The following UBXN6 variants were observed in gnomAD, a reference collection of about 807,000 sequenced individuals.
UBXN6 encodes the protein UBX domain-containing protein 6.
A neutral mutation model predicts 51.4 loss-of-function variants in UBXN6; 44 were observed. The observed-to-expected ratio is 0.86, with a 90% CI of 0.67 to 1.10. UBXN6 has a LOEUF of 1.10. Among genes scored for constraint, UBXN6 ranks in the 50% least tolerant of loss-of-function variants. The pLI is 0.00. For synonymous variants in UBXN6, 316 were observed against 263.2 expected (o/e 1.20, Z -1.94); for missense variants, 672 against 596.1 (o/e 1.13, Z -1.32).
intron 1 of UBXN6, 126 bp from the exon 2 acceptor site, chr19:4,454,219 G>T: frequency 1.8e-6 from 2 of 1,097,342 alleles, no homozygotes; most frequent in East Asian, 2.7e-5. Flanking sequence ...CTGCCTATGT[G>T]GGCCAGGACA....
Position 4,446,211 on chromosome 19 carries a change from G to A in UBXN6, c.1052-14C>T, listed in dbSNP as rs767015341. 3 of 1,592,602 alleles carry A rather than the reference G, an allele frequency of 1.9e-6. No individual in the cohort carries two copies. Among genetic ancestry groups the A allele is most frequent in the Non-Finnish European group, 2.6e-6 (3 of 1,173,068 alleles). ...CGTAGAAAGTGCCTGGGGAGTGGGG[G>A]AGTCAGAGCGGGTGGGGCCCAGGGC... On this transcript the variant is annotated splice_polypyrimidine_tract_variant and intron_variant, in intron 9 of 10. Coordinates refer to ENST00000301281, the MANE Select transcript of UBXN6 (RefSeq NM_025241.3).
rs755248614 is a variant in UBXN6 at position 4,452,416 on chromosome 19, G to A, written c.389C>T (p.Ala130Val). 3.1e-6 allele frequency: 5 copies of A among 1,613,118 alleles called. No homozygotes were observed. The South Asian group carries it at 5.5e-5, about 18-fold the overall frequency. Residue 130 changes from alanine (A) to valine (V), a missense_variant, in exon 4 of 11, where the codon GCC becomes GTC. Coordinates refer to ENST00000301281, the MANE Select transcript of UBXN6 (RefSeq NM_025241.3). Reference protein sequence around the residue: ...GVYFTCPLTGATLRKDQRDAC... With the variant: ...GVYFTCPLTGVTLRKDQRDAC... ...GTCCCGCTGGTCCTTCCTCAGGGTG[G>A]CCCCAGTGAGCGGACAGGTGAAGTA...
chr19:4,456,096 C>T (rs1391797167), intron 1 of UBXN6, among the ~76,000 whole-genome samples: 1 of 151,994 alleles, frequency 6.6e-6, no homozygotes, highest in East Asian at 1.9e-4. Flanking sequence ...GACCTCCGCA[C>T]CGCTTCCTTT....
intron 5 of UBXN6, 91 bp from the exon 6 acceptor site, chr19:4,447,716 C>T: frequency 2.3e-6 from 3 of 1,316,164 alleles, no homozygotes; most frequent in Non-Finnish European, 3.3e-6. Flanking sequence ...GCAGCTCAGC[C>T]ACACTTGGCC....
chr19:4,453,938 C>A lies in UBXN6; in HGVS notation c.239G>T (p.Arg80Leu). 1 of 1,610,092 alleles carries A rather than the reference C, an allele frequency of 6.2e-7. No homozygotes were observed. Among genetic ancestry groups the A allele is most frequent in the Non-Finnish European group, 8.5e-7 (1 of 1,179,812 alleles). The stretch of plus-strand genomic sequence containing the variant: ...GGAGGGCCATATCTCACCCTGGTTT[C>A]GGATGGTGTCCTGCGATGTGGGGCC... ...AWGPTSQDTI[R>L]NQVRKELQAE... The change falls in exon 2 of 11, where the codon CGA becomes CTA. Residue 80 changes from arginine (R) to leucine (L), a missense_variant. By Grantham distance (102) the Arg-to-Leu change is moderately radical (BLOSUM62 -2). Transcript: ENST00000301281.
rs777982873 is a variant in UBXN6 at position 4,452,431 on chromosome 19, C to T, written c.374G>A (p.Cys125Tyr). The T allele has an allele frequency of 1.9e-6, 3 of 1,612,860 alleles. No individual in the cohort carries two copies. The highest frequency in any genetic ancestry group is 4.5e-5 in the East Asian group (2 of 44,872). Residue 125 changes from cysteine (C) to tyrosine (Y), a missense_variant, in exon 4 of 11, where the codon TGT (cysteine) becomes TAT (tyrosine). Cys to Tyr is a radical substitution (Grantham distance 194). Coordinates refer to ENST00000301281, the MANE Select transcript of UBXN6 (RefSeq NM_025241.3). ...CCTCAGGGTGGCCCCAGTGAGCGGA[C>T]AGGTGAAGTACACGCCAGGCACAGC... Reference protein sequence around the residue: ...HLAVPGVYFTCPLTGATLRKD... With the variant: ...HLAVPGVYFTYPLTGATLRKD...
chr19:4,446,874 A>G lies in UBXN6; in HGVS notation c.662T>C (p.Ile221Thr), dbSNP rs138342613. The G allele has an allele frequency of 1.3e-4, 203 of 1,613,892 alleles. 1 individual carries two copies. Among genetic ancestry groups the G allele is most frequent in the Non-Finnish European group, 1.5e-4 (179 of 1,180,026 alleles). The change falls in exon 7 of 11, where the codon ATT becomes ACT. Residue 221 changes from isoleucine (I) to threonine (T), a missense_variant. Coordinates refer to ENST00000301281, the MANE Select transcript of UBXN6 (RefSeq NM_025241.3). ...GGGAAGCAACACCTTCTGGAACCCA[A>G]TGGCCTCAAAAAACTCGTGGGTCCC... is the stretch of plus-strand genomic sequence containing the variant. ...LEGTHEFFEA[I>T]GFQKVLLPAQ...
In UBXN6 at chr19:4,445,582, C is replaced by T. The variant is rs1228691422; in HGVS notation, c.1242G>A (p.Val414=). Reference sequence around the variant, plus strand: ...CCCCCGCGGCCTTGATGTCCTCCAGCACAGCCATGTCCCACGAGAAGGTCA... The same window carrying T: ...CCCCCGCGGCCTTGATGTCCTCCAGTACAGCCATGTCCCACGAGAAGGTCA... The part of the protein sequence containing the change: ...ALLTFSWDMA[V]LEDIKAAGAE... The change falls in exon 11 of 11, where the codon GTG becomes GTA. Residue 414 remains valine, a synonymous_variant. Transcript: ENST00000301281. 6.8e-6 allele frequency: 11 copies of T among 1,613,664 alleles called. No individual in the cohort carries two copies. Among genetic ancestry groups the T allele is most frequent in the Non-Finnish European group, 9.3e-6 (11 of 1,180,018 alleles).
At chr19:4,457,048 G>C (rs534932768) in intron 1 of UBXN6, among the ~76,000 whole-genome samples, 5 of 152,050 alleles carry the variant, frequency 3.3e-5, no homozygotes, top group South Asian at 4.2e-4. Flanking sequence ...TCTTCCCATG[G>C]ATACCTCAAA....
chr19:4,446,512 T>C lies in UBXN6; in HGVS notation c.908A>G (p.Glu303Gly), dbSNP rs1161206399. 5 of 1,609,286 alleles carry C rather than the reference T, an allele frequency of 3.1e-6. No homozygotes were observed. In the Admixed American group the frequency reaches 8.3e-5, roughly 27 times the overall value. ...FNLTAEEIKR[E>G]QRLRSEAVER... Reference sequence around the variant, plus strand: ...ACGTCAGGCCCACCTGAGCCTCTGCTCCCGCTTGATCTCCTCTGCTGTGAG... The same window carrying C: ...ACGTCAGGCCCACCTGAGCCTCTGCCCCCGCTTGATCTCCTCTGCTGTGAG... The change falls in exon 8 of 11, where the codon GAG (glutamate) becomes GGG (glycine). Residue 303 changes from glutamate (E) to glycine (G), a missense_variant. Coordinates refer to ENST00000301281, the MANE Select transcript of UBXN6 (RefSeq NM_025241.3).
chr19:4,452,229 A>G, intron 4 of UBXN6, 135 bp downstream of exon 4: 1 of 1,281,470 alleles, frequency 7.8e-7, no homozygotes, highest in Non-Finnish European at 1.1e-6. Context: ...TTGGGGTATC[A>G]GAGGAGGGGC....
chr19:4,446,807 C>A (rs375483349), intron 7 of UBXN6, 29 bp downstream of exon 7: 1 of 1,613,800 alleles, frequency 6.2e-7, no homozygotes, highest in African/African-American at 1.3e-5. Flanking sequence ...CGTCCCCATT[C>A]CCTACTCAGC....
rs770668194 is a variant in UBXN6 at position 4,446,264 on chromosome 19, G to A, written c.1051+19C>T. 1.8e-5 allele frequency: 29 copies of A among 1,567,776 alleles called. 1 individual carries two copies. The highest frequency in any genetic ancestry group is 9.2e-5 in the South Asian group (8 of 87,068). On this transcript the variant is annotated intron_variant, in intron 9 of 10. Coordinates refer to ENST00000301281, the MANE Select transcript of UBXN6 (RefSeq NM_025241.3). Reference sequence around the variant, plus strand: ...CCTACCAACCCGAGCCGCCCTCCACGGGCATCGTTGGTGCCCACCCTGCAG... The same window carrying A: ...CCTACCAACCCGAGCCGCCCTCCACAGGCATCGTTGGTGCCCACCCTGCAG...
intron 10 of UBXN6, 135 bp downstream of exon 10, chr19:4,445,914 G>C (rs1053439955): frequency 7.1e-7 from 1 of 1,399,034 alleles, no homozygotes; most frequent in East Asian, 2.3e-5. Flanking sequence ...TGGGAAAGCA[G>C]GATTCAAACC....
rs1974755786 is a variant in UBXN6 at position 4,457,486 on chromosome 19, C to G, written c.83+129G>C. The G allele has an allele frequency of 9.8e-6, 7 of 713,676 alleles. No individual in the cohort carries two copies. In the Admixed American group the frequency reaches 2.7e-4, roughly 28 times the overall value. 44.2% of individuals were successfully genotyped at this position (713,676 alleles called of 1,614,324 possible). A position where few individuals can be genotyped will look rare whatever the true frequency, so the allele number is the denominator to read the frequency against. On this transcript the variant is annotated intron_variant, in intron 1 of 10. Coordinates refer to ENST00000301281, the MANE Select transcript of UBXN6 (RefSeq NM_025241.3). ...GTCCGCCCCCGGCGCCTCTCCCCCT[C>G]CCCTGACCCTCGCGTGCCGCTCCCA... is the stretch of plus-strand genomic sequence containing the variant.
At chr19:4,456,777 GAGA>G (rs1288121771) in intron 1 of UBXN6, among the ~76,000 whole-genome samples, 17 of 152,130 alleles carry the variant, frequency 1.1e-4, no homozygotes, top group Admixed American at 2.6e-4. Context: ...AAGCCTCGCA[GAGA>G]AGCTCTTTCT....
At chr19:4,455,170 C>G in intron 1 of UBXN6, 5 of 980,442 alleles carry the variant, frequency 5.1e-6, no homozygotes, top group Non-Finnish European at 6.1e-6. Flanking sequence ...CCAACCTGCT[C>G]GGACGCGTCT....
upstream of UBXN6, chr19:4,457,795 T>A (rs12977256): frequency 0.76 from 21,292 of 27,892 alleles, 9,081 homozygotes; most frequent in Middle Eastern, 0.87. Context: ...GGAAGAAAAT[T>A]AAAAAAAAAA....
In UBXN6 at chr19:4,452,464, G is replaced by C. The variant is rs199794846; in HGVS notation, c.341C>G (p.Ala114Gly). ...VVSEPREEGS[A>G]HLAVPGVYFT... ...GTACACGCCAGGCACAGCCAGGTGG[G>C]CAGAGCCTTCCTCTCTGGGCTCAGA... Residue 114 changes from alanine (A) to glycine (G), a missense_variant, in exon 4 of 11, where the codon GCC becomes GGC. Transcript: ENST00000301281. 5.0e-6 allele frequency: 8 copies of C among 1,611,702 alleles called. No homozygotes were observed. The Admixed American group carries it at 1.3e-4, about 27-fold the overall frequency.
Sources: allele counts gnomAD v4.1 joint callset (sites outside exome capture counted in the v4.1 genomes callset), GRCh38; gene constraint gnomAD v4.1.1; transcripts MANE v1.5; gene names NCBI Gene and HGNC (gene_info 2026-07-23, HGNC 2026-07-21).